Variants in EIF4G3 observed in about 807,000 individuals in gnomAD.
The protein encoded by EIF4G3 is eukaryotic translation initiation factor 4 gamma 3.
Under a neutral mutation model 186.4 loss-of-function variants are expected in EIF4G3, and 34 were observed. The ratio of observed to expected loss-of-function variants is 0.18; its 90% CI spans 0.14 to 0.24. The LOEUF (loss-of-function observed/expected upper bound fraction) is 0.24. EIF4G3 is among the 10% of genes least tolerant of loss of function. EIF4G3 has a pLI of 1.00. For missense variants in EIF4G3, 1,536 were observed against 1,948.5 expected (o/e 0.79, Z 3.99); for synonymous variants, 673 against 679.5 (o/e 0.99, Z 0.15).
rs754394918 is a variant in EIF4G3, at chr1:21,002,671, C to G, written c.30+42G>C. On this transcript the variant is annotated intron_variant, in intron 5 of 36. Transcript: ENST00000602326. ...ACCCAAGCCACTACACACACAAACACAGGTAGAGAATGTAATTTGGTTCAA... is the reference window on the plus strand; with the variant it reads ...ACCCAAGCCACTACACACACAAACAGAGGTAGAGAATGTAATTTGGTTCAA... 7 of 1,604,782 alleles carry G rather than the reference C, an allele frequency of 4.4e-6. No homozygotes were observed. The Admixed American group carries it at 1.2e-4, about 28-fold the overall frequency.
intron 2 of EIF4G3, among the ~76,000 whole-genome samples, chr1:21,099,805 T>C (rs767353065): frequency 5.3e-5 from 8 of 152,162 alleles, no homozygotes; most frequent in South Asian, 2.1e-4. Context: ...AATAAATGAA[T>C]AGTCAGTTCC....
intron 6 of EIF4G3, among the ~76,000 whole-genome samples, chr1:20,998,211 TTACACACACACACACACA>T (rs1477132090): frequency 1.8e-5 from 1 of 56,938 alleles, no homozygotes; most frequent in African/African-American, 7.2e-5. Flanking sequence ...TTTTATGACT[TTACACACACACACACACA>T]CACACACACA....
At chr1:20,965,207 T>C (rs886625065) in intron 12 of EIF4G3, among the ~76,000 whole-genome samples, 1 of 152,192 alleles carries the variant, frequency 6.6e-6, no homozygotes, top group African/African-American at 2.4e-5. Context: ...AAGACCAAAT[T>C]AGATAAAAAT....
chr1:20,880,548 C>T (rs1318286705), intron 19 of EIF4G3, among the ~76,000 whole-genome samples: 3 of 152,090 alleles, frequency 2.0e-5, no homozygotes, highest in African/African-American at 4.8e-5. Context: ...GCCAGAGGTT[C>T]GAGACCAGCC....
intron 6 of EIF4G3, chr1:20,998,923 C>A (rs1332621470): frequency 6.6e-6 from 2 of 304,956 alleles, no homozygotes; most frequent in Non-Finnish European, 1.3e-5. Context: ...CTTCTGTCAG[C>A]TTAACACTAC....
intron 8 of EIF4G3, among the ~76,000 whole-genome samples, chr1:20,981,797 A>G (rs368904060): frequency 7.9e-4 from 118 of 149,514 alleles, no homozygotes; most frequent in African/African-American, 1.6e-3. Flanking sequence ...ATATGTATAC[A>G]CACATACTGT....
At chr1:20,939,821 C>A (rs1244718017) in intron 14 of EIF4G3, among the ~76,000 whole-genome samples, 1 of 150,188 alleles carries the variant, frequency 6.7e-6, no homozygotes, top group African/African-American at 2.4e-5. Context: ...CATTTACCTA[C>A]AGCCACACCA....
In EIF4G3 at chr1:20,984,059, C is replaced by T. The variant is rs565409170; in HGVS notation, c.178-1651G>A. On this transcript the variant is annotated intron_variant, in intron 7 of 36. Transcript: ENST00000602326. ...CTGAACAGTATGAAACTAATTTCCTCAGTAACTTTGAAGTAAAAACAGTGT... is the reference window on the plus strand; with the variant it reads ...CTGAACAGTATGAAACTAATTTCCTTAGTAACTTTGAAGTAAAAACAGTGT... 4.6e-5 allele frequency among the ~76,000 whole-genome samples: 7 copies of T among 152,246 alleles called. No homozygotes were observed. In the East Asian group the frequency reaches 1.3e-3, roughly 29 times the overall value.
chr1:21,133,456 A>G (rs1000215189), intron 2 of EIF4G3, among the ~76,000 whole-genome samples: 14 of 151,236 alleles, frequency 9.3e-5, no homozygotes, highest in Admixed American at 4.6e-4. Context: ...CAAACTCCTG[A>G]CCTCGTGATC....
chr1:21,089,404 C>T (rs1409902169), intron 2 of EIF4G3, among the ~76,000 whole-genome samples, 191 bp from the exon 3 acceptor site: 2 of 152,144 alleles, frequency 1.3e-5, no homozygotes, highest in South Asian at 4.1e-4. Flanking sequence ...CTTCAAAAGC[C>T]TTCCCATGAT....
intron 2 of EIF4G3, among the ~76,000 whole-genome samples, chr1:21,133,924 T>A (rs983671265): frequency 6.6e-6 from 1 of 152,192 alleles, no homozygotes; most frequent in Admixed American, 6.5e-5. Context: ...AAGGTCACCA[T>A]CATCACAATG....
chr1:20,956,634 A>AAAAC (rs942892914), intron 12 of EIF4G3, among the ~76,000 whole-genome samples: 1 of 151,546 alleles, frequency 6.6e-6, no homozygotes, highest in Non-Finnish European at 1.5e-5. Flanking sequence ...AAAAAAAAAA[A>AAAAC]AAACAAGGAG....
Position 20,938,332 on chromosome 1 carries a change from T to C in EIF4G3, c.1663+3159A>G, listed in dbSNP as rs111732656. On this transcript the variant is annotated intron_variant, in intron 14 of 36. Coordinates refer to ENST00000602326, the MANE Select transcript of EIF4G3 (RefSeq NM_001391906.1). The stretch of plus-strand genomic sequence containing the variant: ...TTTTTATTCACTCAGAAATATGATC[T>C]AGAATAGTTACAAGAAAATGTTTTG... Among the ~76,000 whole-genome samples the C allele has an allele frequency of 8.9e-3, 1,359 of 152,294 alleles. 15 individuals are homozygous for C. Among genetic ancestry groups the C allele is most frequent in the Admixed American group, 0.033 (500 of 15,286 alleles).
chr1:20,858,072 C>G (rs2154551457), intron 24 of EIF4G3, among the ~76,000 whole-genome samples: 1 of 152,322 alleles, frequency 6.6e-6, no homozygotes, highest in East Asian at 1.9e-4. Flanking sequence ...ACCAACACCC[C>G]TTTCCTAGAT....
At chr1:21,142,269 G>A (rs558721411) in intron 2 of EIF4G3, among the ~76,000 whole-genome samples, 1 of 151,840 alleles carries the variant, frequency 6.6e-6, no homozygotes, top group Non-Finnish European at 1.5e-5. Context: ...GGAGGTTGCG[G>A]TGGGTGGACT....
At chr1:20,907,921 G>C (rs568119691) in intron 14 of EIF4G3, among the ~76,000 whole-genome samples, 119 of 152,202 alleles carry the variant, frequency 7.8e-4, no homozygotes, top group African/African-American at 2.4e-3. Flanking sequence ...TAATGGGATG[G>C]CTGGGTCAAA....
chr1:20,941,890 A>C lies in EIF4G3; in HGVS notation c.1264T>G (p.Leu422Val), dbSNP rs772313223. 1.2e-6 allele frequency: 2 copies of C among 1,614,068 alleles called. No homozygotes were observed. Among genetic ancestry groups the C allele is most frequent in the Admixed American group, 1.7e-5 (1 of 60,010 alleles). ...INEINGVSEKLSATESIVEIV... is the reference protein window; with the variant it reads ...INEINGVSEKVSATESIVEIV... The stretch of plus-strand genomic sequence containing the variant: ...TCCACAATGCTCTCCGTGGCTGATA[A>C]TTTTTCGCTAACTCCATTTATTTCA... The change falls in exon 14 of 37, where the codon TTA becomes GTA. Residue 422 changes from leucine (L) to valine (V), a missense_variant. Around this residue, in one of 11 missense-constraint regions of EIF4G3, gnomAD observed 560 missense variants for 547.8 expected, o/e 1.02. Transcript: ENST00000602326.
intron 2 of EIF4G3, among the ~76,000 whole-genome samples, chr1:21,118,512 C>A (rs1268823459): frequency 6.6e-6 from 1 of 152,060 alleles, no homozygotes; most frequent in South Asian, 2.1e-4. Context: ...TTGGGCCCGG[C>A]GCAGTGGTCC....
intron 2 of EIF4G3, among the ~76,000 whole-genome samples, chr1:21,172,219 A>G (rs543616599): frequency 9.3e-4 from 142 of 152,172 alleles, no homozygotes; most frequent in African/African-American, 3.3e-3. Flanking sequence ...GGCAGAAGAG[A>G]AAGCTATGTA....
Sources: allele counts gnomAD v4.1 joint callset (sites outside exome capture counted in the v4.1 genomes callset), GRCh38; gene constraint gnomAD v4.1.1; regional missense constraint gnomAD v4.1.1; transcripts MANE v1.5; gene names NCBI Gene and HGNC (gene_info 2026-07-23, HGNC 2026-07-21).